KCNIP4: variants seen among roughly 807,000 people sequenced by gnomAD.
KCNIP4 encodes Kv channel-interacting protein 4.
KCNIP4 carries 12 observed loss-of-function variants against 34.0 expected under a neutral mutation model. The ratio of observed to expected loss-of-function variants is 0.35; its 90% CI spans 0.23 to 0.57. KCNIP4 has a LOEUF of 0.57. KCNIP4 is among the 20% of genes least tolerant of loss of function. The pLI, the probability that KCNIP4 is intolerant of heterozygous loss-of-function variation, is 0.83. For missense variants in KCNIP4, 238 were observed against 311.7 expected (o/e 0.76, Z 1.78); for synonymous variants, 124 against 102.2 (o/e 1.21, Z -1.29).
chr4:20,742,006 A>C (rs1053120282), intron 5 of KCNIP4, among the ~76,000 whole-genome samples: 2 of 152,214 alleles, frequency 1.3e-5, no homozygotes, highest in African/African-American at 4.8e-5. Flanking sequence ...ACACCCTCCC[A>C]AGACTAAACC....
At chr4:20,958,034 C>T (rs545706486) in intron 1 of KCNIP4, among the ~76,000 whole-genome samples, 10 of 152,300 alleles carry the variant, frequency 6.6e-5, no homozygotes, top group African/African-American at 2.2e-4. Flanking sequence ...TTCAAATCAT[C>T]GAGCCAGGCA....
intron 1 of KCNIP4, among the ~76,000 whole-genome samples, chr4:21,324,049 T>C (rs953970621): frequency 6.6e-6 from 1 of 152,112 alleles, no homozygotes; most frequent in African/African-American, 2.4e-5. Flanking sequence ...ACCTTTTCTT[T>C]TGAGAAATAT....
intron 1 of KCNIP4, among the ~76,000 whole-genome samples, chr4:21,185,654 A>G (rs1755164238): frequency 2.0e-5 from 3 of 152,218 alleles, no homozygotes; most frequent in Admixed American, 2.0e-4. Flanking sequence ...TATTTGAGTG[A>G]GTAGTCAGTA....
At chr4:20,784,552 T>C (rs1212915255) in intron 3 of KCNIP4, among the ~76,000 whole-genome samples, 1 of 152,200 alleles carries the variant, frequency 6.6e-6, no homozygotes, top group African/African-American at 2.4e-5. Context: ...GAAGTACTTT[T>C]AACTGTTAAA....
intron 1 of KCNIP4, among the ~76,000 whole-genome samples, chr4:21,302,444 A>G (rs1227153685): frequency 6.6e-6 from 1 of 152,246 alleles, no homozygotes; most frequent in Non-Finnish European, 1.5e-5. Flanking sequence ...AAACCAGTTC[A>G]TTAAAATGGG....
chr4:21,537,752 G>A (rs545022852), intron 1 of KCNIP4, among the ~76,000 whole-genome samples: 20 of 152,068 alleles, frequency 1.3e-4, no homozygotes, highest in African/African-American at 4.3e-4. Flanking sequence ...AGTAGCTCAC[G>A]CCTGTAATCC....
intron 1 of KCNIP4, among the ~76,000 whole-genome samples, chr4:21,356,782 C>T (rs956203745): frequency 2.6e-5 from 4 of 152,144 alleles, no homozygotes; most frequent in African/African-American, 9.7e-5. Flanking sequence ...CATCAAGCTA[C>T]CAATGACTTT....
chr4:21,128,982 G>C (rs142327565), intron 1 of KCNIP4, among the ~76,000 whole-genome samples: 1 of 152,160 alleles, frequency 6.6e-6, no homozygotes, highest in Non-Finnish European at 1.5e-5. Flanking sequence ...AAATAAGGTT[G>C]TTGATATGGT....
At chr4:21,606,446 C>T (rs992892254) in intron 1 of KCNIP4, among the ~76,000 whole-genome samples, 1 of 152,056 alleles carries the variant, frequency 6.6e-6, no homozygotes, top group Non-Finnish European at 1.5e-5. Flanking sequence ...TCCAAAATTG[C>T]GAATGTATTA....
rs540438810 is a variant in KCNIP4, at chr4:21,933,842, C to T, written c.61+14729G>A. On this transcript the variant is annotated intron_variant, in intron 1 of 8. Coordinates refer to ENST00000382152, the MANE Select transcript of KCNIP4 (RefSeq NM_025221.6). The stretch of plus-strand genomic sequence containing the variant: ...ATATTTGACTGCTGTTTTATCAGTA[C>T]CTTTAAAGGCATTTCATATTCCACT... 2.4e-4 allele frequency among the ~76,000 whole-genome samples: 36 copies of T among 152,138 alleles called. No homozygotes were observed. In the South Asian group the frequency reaches 7.5e-3, roughly 32 times the overall value.
At chr4:20,860,568 C>G (rs1437901631) in intron 2 of KCNIP4, among the ~76,000 whole-genome samples, 1 of 152,162 alleles carries the variant, frequency 6.6e-6, no homozygotes, top group African/African-American at 2.4e-5. Context: ...AAAAATTCAG[C>G]CTGCTTGACT....
intron 1 of KCNIP4, chr4:20,916,331 A>G (rs1185402897): frequency 3.0e-6 from 3 of 985,210 alleles, no homozygotes; most frequent in Admixed American, 6.2e-5. Flanking sequence ...ACCTCTTTGC[A>G]GTTGTTATGG....
chr4:20,744,756 T>C (rs1347340912), intron 5 of KCNIP4, among the ~76,000 whole-genome samples: 1 of 151,898 alleles, frequency 6.6e-6, no homozygotes, highest in East Asian at 1.9e-4. Context: ...ACCCTAGAAC[T>C]TAAAGAATAA....
intron 1 of KCNIP4, among the ~76,000 whole-genome samples, chr4:20,908,234 C>T (rs1727981469): frequency 1.3e-5 from 2 of 151,600 alleles, no homozygotes; most frequent in African/African-American, 2.4e-5. Context: ...TGAGTAGCTG[C>T]GATTACAGGT....
chr4:21,247,672 T>TAA (rs1760333965), intron 1 of KCNIP4, among the ~76,000 whole-genome samples: 1 of 140,644 alleles, frequency 7.1e-6, no homozygotes, highest in Non-Finnish European at 1.5e-5. Context: ...TAGATATATC[T>TAA]ATATATAGAT....
chr4:21,869,795 C>CAGAT (rs1198381404), intron 1 of KCNIP4, among the ~76,000 whole-genome samples: 1 of 151,220 alleles, frequency 6.6e-6, no homozygotes, highest in African/African-American at 2.4e-5. Flanking sequence ...GACAGACAGA[C>CAGAT]AGATAGATAG....
intron 3 of KCNIP4, among the ~76,000 whole-genome samples, chr4:20,836,713 G>A (rs1055214755): frequency 2.0e-5 from 3 of 152,136 alleles, no homozygotes; most frequent in African/African-American, 4.8e-5. Flanking sequence ...GATTATAGAT[G>A]TTAATCACAT....
At chr4:21,208,489 C>T (rs2108971290) in intron 1 of KCNIP4, among the ~76,000 whole-genome samples, 1 of 152,230 alleles carries the variant, frequency 6.6e-6, no homozygotes, top group Admixed American at 6.5e-5. Flanking sequence ...ATCACATTTC[C>T]TTGATCTTCT....
chr4:21,863,432 T>C (rs1416516318), intron 1 of KCNIP4, among the ~76,000 whole-genome samples: 1 of 152,174 alleles, frequency 6.6e-6, no homozygotes, highest in African/African-American at 2.4e-5. Context: ...ATATGTACTA[T>C]CCCCTCTCAA....
Sources: allele counts gnomAD v4.1 joint callset (sites outside exome capture counted in the v4.1 genomes callset), GRCh38; gene constraint gnomAD v4.1.1; transcripts MANE v1.5; gene names NCBI Gene and HGNC (gene_info 2026-07-23, HGNC 2026-07-21).